Variants in TRERF1 observed in about 807,000 individuals in gnomAD.
The protein encoded by TRERF1 is transcriptional-regulating factor 1.
TRERF1 carries 27 observed loss-of-function variants against 122.9 expected under a neutral mutation model. The observed-to-expected ratio is 0.22, with a 90% CI of 0.16 to 0.30. The LOEUF is 0.30. Ranked by LOEUF, TRERF1 falls within the 10% of genes least tolerant of loss-of-function variation. TRERF1 has a pLI of 1.00. For synonymous variants in TRERF1, 636 were observed against 641.7 expected (o/e 0.99, Z 0.13); for missense variants, 1,248 against 1,560.3 (o/e 0.80, Z 3.37).
chr6:42,439,859 C>A (rs1343058171), intron 2 of TRERF1, among the ~76,000 whole-genome samples: 2 of 152,248 alleles, frequency 1.3e-5, no homozygotes, highest in Non-Finnish European at 2.9e-5. Flanking sequence ...ACAGTATGTC[C>A]TGTGAACTTC....
At chr6:42,231,230 C>T (rs574685043) in intron 17 of TRERF1, among the ~76,000 whole-genome samples, 1 of 152,324 alleles carries the variant, frequency 6.6e-6, no homozygotes, top group Non-Finnish European at 1.5e-5. Context: ...TGCCCTTCCA[C>T]AATGGGATGA....
At chr6:42,380,322 C>T (rs1374116321) in intron 2 of TRERF1, among the ~76,000 whole-genome samples, 1 of 152,116 alleles carries the variant, frequency 6.6e-6, no homozygotes, top group African/African-American at 2.4e-5. Context: ...GGGCTCTGAG[C>T]CAGGGAACAA....
intron 4 of TRERF1, among the ~76,000 whole-genome samples, chr6:42,290,533 C>G (rs978756931): frequency 6.6e-6 from 1 of 152,076 alleles, no homozygotes; most frequent in East Asian, 1.9e-4. Flanking sequence ...CTGATCAACC[C>G]TGGGAACATG....
At chr6:42,319,591 GCAGGAGGATCACTTGAGCC>G (rs925739858) in intron 3 of TRERF1, among the ~76,000 whole-genome samples, 1 of 152,098 alleles carries the variant, frequency 6.6e-6, no homozygotes, top group African/African-American at 2.4e-5. Context: ...GGGGGCTGAG[GCAGGAGGATCACTTGAGCC>G]CAGGAGTTCG....
Position 42,393,192 on chromosome 6 carries a change from T to C in TRERF1, c.-453-30113A>G, listed in dbSNP as rs79906632. On this transcript the variant is annotated intron_variant, in intron 2 of 17. Coordinates refer to ENST00000372922, the Ensembl canonical transcript of TRERF1. This position sits in a 1 kb window ranked among gnomAD's most constrained non-coding sequence, Gnocchi z 4.1. ...CTAACAACCAGCATCTTTGTAGTACTTCAGGTTACAAAGCACATCAGAGGT... is the reference window on the plus strand; with the variant it reads ...CTAACAACCAGCATCTTTGTAGTACCTCAGGTTACAAAGCACATCAGAGGT... Among the ~76,000 whole-genome samples the C allele has an allele frequency of 2.6e-3, 398 of 152,344 alleles. 3 individuals carry two copies. Among genetic ancestry groups the C allele is most frequent in the African/African-American group, 9.3e-3 (386 of 41,582 alleles).
At chr6:42,294,068 G>A (rs1184328069) in intron 4 of TRERF1, among the ~76,000 whole-genome samples, 3 of 152,164 alleles carry the variant, frequency 2.0e-5, no homozygotes, top group Non-Finnish European at 4.4e-5. Context: ...AATGCTAGAA[G>A]TCAGGATGTC....
chr6:42,227,137 A>G (rs950277449), exon 18 of TRERF1: 1 of 152,272 alleles, frequency 6.6e-6, no homozygotes, highest in African/African-American at 2.4e-5. Flanking sequence ...AGAAGTCTAG[A>G]AGTGCTTTGG....
chr6:42,312,872 T>C (rs1381119990), intron 3 of TRERF1, among the ~76,000 whole-genome samples: 1 of 152,212 alleles, frequency 6.6e-6, no homozygotes, highest in Non-Finnish European at 1.5e-5. Context: ...GTTCTACCAA[T>C]GTTCCTTCTC....
At chr6:42,280,578 C>A (rs1782128823) in intron 4 of TRERF1, among the ~76,000 whole-genome samples, 1 of 152,214 alleles carries the variant, frequency 6.6e-6, no homozygotes, top group African/African-American at 2.4e-5. Flanking sequence ...TTCAGCCCAG[C>A]CACTTGGCCG....
chr6:42,264,027 C>G (rs1318253010), intron 7 of TRERF1, among the ~76,000 whole-genome samples: 1 of 152,120 alleles, frequency 6.6e-6, no homozygotes, highest in African/African-American at 2.4e-5. Flanking sequence ...CAAGTAAAGA[C>G]AAAAGCTTTT....
chr6:42,425,058 T>G (rs1783394402), intron 2 of TRERF1, among the ~76,000 whole-genome samples: 1 of 152,188 alleles, frequency 6.6e-6, no homozygotes, highest in African/African-American at 2.4e-5. Context: ...GGGTCTGACC[T>G]CCTCAGCTGA....
At chr6:42,316,808 T>C (rs550600595) in intron 3 of TRERF1, among the ~76,000 whole-genome samples, 3 of 152,234 alleles carry the variant, frequency 2.0e-5, no homozygotes, top group South Asian at 4.1e-4. Flanking sequence ...AGCTAAAGGA[T>C]AACCAGCCAT....
intron 2 of TRERF1, among the ~76,000 whole-genome samples, chr6:42,413,066 T>G (rs1355754971): frequency 3.3e-5 from 5 of 152,092 alleles, no homozygotes; most frequent in African/African-American, 1.2e-4. Flanking sequence ...CCAAAGAAAT[T>G]TTGTAGCCAC....
At chr6:42,380,574 A>C (rs1218947658) in intron 2 of TRERF1, among the ~76,000 whole-genome samples, 1 of 152,200 alleles carries the variant, frequency 6.6e-6, no homozygotes, top group East Asian at 1.9e-4. Context: ...ATGATTGCCC[A>C]AAGAGTCTAA....
At chr6:42,435,553 G>A (rs1785183204) in intron 2 of TRERF1, among the ~76,000 whole-genome samples, 1 of 151,338 alleles carries the variant, frequency 6.6e-6, no homozygotes, top group African/African-American at 2.4e-5. Flanking sequence ...TCCTTCTTAG[G>A]AATTTACCGC....
rs767893804 is a variant in TRERF1, at chr6:42,259,360, G to A, written c.2248C>T (p.Arg750Trp). 4.6e-6 allele frequency: 7 copies of A among 1,513,858 alleles called. No homozygotes were observed. Among genetic ancestry groups the A allele is most frequent in the East Asian group, 2.3e-5 (1 of 44,120 alleles). The allele number at this position is 1,513,858 out of a possible 1,614,324, so 93.8% of individuals were successfully genotyped here. The change falls in exon 9 of 18, where the codon CGG (arginine) becomes TGG (tryptophan). Residue 750 changes from arginine to tryptophan, a missense_variant. By Grantham distance (101) the Arg-to-Trp change is moderately radical. Around this residue, in one of 5 missense-constraint regions of TRERF1, gnomAD observed 946 missense variants for 1,073.0 expected, o/e 0.88. Transcript: ENST00000372922. This position sits in a 1 kb window ranked among gnomAD's most constrained non-coding sequence, Gnocchi z 4.9. ...TCACTGGAGCGACACAGCAGCACCC[G>A]TGGTGTGGGCGTCAGGGGCGTCAGG...
intron 3 of TRERF1, among the ~76,000 whole-genome samples, chr6:42,331,785 G>A (rs140736149): frequency 2.0e-4 from 31 of 152,220 alleles, no homozygotes; most frequent in Non-Finnish European, 3.7e-4. Flanking sequence ...GCCTAGCAGC[G>A]CTGCCAGGGG....
In TRERF1 at chr6:42,228,211, TA is replaced by T; in HGVS notation, c.*133del. The stretch of plus-strand genomic sequence containing the variant: ...GGAAAAGAAATAGGATTTTTTTTTC[TA>T]AACCTGAATAAAATGACCACTTTTA... On this transcript the variant is annotated 3_prime_UTR_variant, in exon 18 of 18. Coordinates refer to ENST00000372922, the Ensembl canonical transcript of TRERF1. This position sits in a 1 kb window ranked among gnomAD's most constrained non-coding sequence, Gnocchi z 4.2. The T allele has an allele frequency of 2.6e-6, 2 of 782,328 alleles. No individual in the cohort carries two copies. Among genetic ancestry groups the T allele is most frequent in the Non-Finnish European group, 1.8e-6 (1 of 544,156 alleles). The allele number at this position is 782,328 out of a possible 1,614,324, so 48.5% of individuals were successfully genotyped here. A position where few individuals can be genotyped will look rare whatever the true frequency, so the allele number is the denominator to read the frequency against.
chr6:42,379,133 T>C (rs972088199), intron 2 of TRERF1, among the ~76,000 whole-genome samples: 8 of 151,946 alleles, frequency 5.3e-5, no homozygotes, highest in Admixed American at 4.6e-4. Flanking sequence ...AAAAAATTTT[T>C]TTAATATATT....
Sources: gnomAD v4.1 joint callset for allele counts (sites outside exome capture counted in the v4.1 genomes callset) on GRCh38, gnomAD v4.1.1 for gene constraint, gnomAD v4.1.1 regional missense constraint, Gnocchi (gnomAD v3.1) non-coding constraint, MANE v1.5 for transcripts, NCBI Gene and HGNC (gene_info 2026-07-23, HGNC 2026-07-21) for gene names.